Variants in GNA14 observed in about 807,000 individuals in gnomAD.
GNA14 encodes the protein guanine nucleotide-binding protein subunit alpha-14.
Under a neutral mutation model 42.0 loss-of-function variants are expected in GNA14, and 50 were observed. The ratio of observed to expected loss-of-function variants is 1.19; its 90% CI spans 0.95 to 1.51. GNA14 has a LOEUF of 1.51. Among genes scored for constraint, GNA14 ranks in the 40% most tolerant of loss-of-function variants. GNA14 has a pLI of 0.00. For synonymous variants in GNA14, 173 were observed against 163.1 expected (o/e 1.06, Z -0.46); for missense variants, 473 against 446.2 (o/e 1.06, Z -0.54).
At chr9:77,438,657 C>T (rs1487728131) in intron 2 of GNA14, among the ~76,000 whole-genome samples, 2 of 152,074 alleles carry the variant, frequency 1.3e-5, no homozygotes, top group Non-Finnish European at 2.9e-5. Context: ...TTCTTCTATG[C>T]CTTTCAAGAT....
intron 1 of GNA14, among the ~76,000 whole-genome samples, chr9:77,612,051 T>C (rs1823743582): frequency 6.6e-6 from 1 of 152,128 alleles, no homozygotes; most frequent in Non-Finnish European, 1.5e-5. Context: ...ATTGATAAAA[T>C]AGTTATTATT....
chr9:77,618,607 TATATATATATA>T (rs1564067819), intron 1 of GNA14, among the ~76,000 whole-genome samples: 11 of 16,320 alleles, frequency 6.7e-4, no homozygotes, highest in African/African-American at 2.2e-3. Context: ...TATATATATA[TATATATATATA>T]TATTTTTTTT....
At chr9:77,587,776 T>C (rs1408387272) in intron 1 of GNA14, among the ~76,000 whole-genome samples, 3 of 152,216 alleles carry the variant, frequency 2.0e-5, no homozygotes, top group Non-Finnish European at 4.4e-5. Flanking sequence ...TGGTTGCTTT[T>C]ATTCAGTGAA....
intron 1 of GNA14, among the ~76,000 whole-genome samples, chr9:77,590,955 C>A (rs541452578): frequency 2.6e-5 from 4 of 152,220 alleles, no homozygotes; most frequent in Non-Finnish European, 5.9e-5. Context: ...ATACAACAGA[C>A]CTCTTTTGGG....
chr9:77,574,108 C>G (rs895413723), intron 1 of GNA14, among the ~76,000 whole-genome samples: 1 of 152,028 alleles, frequency 6.6e-6, no homozygotes, highest in African/African-American at 2.4e-5. Context: ...AGTTCAAGAC[C>G]AGCCTGGGCA....
intron 2 of GNA14, among the ~76,000 whole-genome samples, chr9:77,442,347 G>A (rs759655071): frequency 1.6e-4 from 24 of 152,190 alleles, no homozygotes; most frequent in Non-Finnish European, 3.1e-4. Flanking sequence ...ACTCCAGCCT[G>A]GGCAACAGAG....
At chr9:77,481,496 G>A (rs576292261) in intron 2 of GNA14, among the ~76,000 whole-genome samples, 1 of 152,278 alleles carries the variant, frequency 6.6e-6, no homozygotes, top group South Asian at 2.1e-4. Flanking sequence ...GAATAATTGT[G>A]GTGTGGTGCT....
intron 2 of GNA14, among the ~76,000 whole-genome samples, chr9:77,511,304 C>T (rs1360471414): frequency 1.3e-5 from 2 of 152,146 alleles, no homozygotes; most frequent in South Asian, 2.1e-4. Flanking sequence ...CCCTGGGATA[C>T]ACCTTGCTCT....
At chr9:77,501,647 G>C (rs1201921844) in intron 2 of GNA14, among the ~76,000 whole-genome samples, 4 of 150,264 alleles carry the variant, frequency 2.7e-5, no homozygotes, top group African/African-American at 9.8e-5. Flanking sequence ...TTTGTAGCTT[G>C]TCTTTCCGTC....
At chr9:77,602,251 A>G (rs1339534462) in intron 1 of GNA14, among the ~76,000 whole-genome samples, 1 of 152,214 alleles carries the variant, frequency 6.6e-6, no homozygotes, top group African/African-American at 2.4e-5. Context: ...CCATCTTTTA[A>G]AAAGACATTG....
At chr9:77,452,566 G>GTGTGCA (rs1564018245) in intron 2 of GNA14, among the ~76,000 whole-genome samples, 5 of 9,724 alleles carry the variant, frequency 5.1e-4, no homozygotes, top group African/African-American at 1.0e-3. Flanking sequence ...GTGTGTGTGT[G>GTGTGCA]TGTGTATGTG....
chr9:77,454,497 G>A (rs1380506741), intron 2 of GNA14, among the ~76,000 whole-genome samples: 1 of 152,118 alleles, frequency 6.6e-6, no homozygotes, highest in Non-Finnish European at 1.5e-5. Context: ...TGAACCTTGA[G>A]GGGAGTTATC....
At chr9:77,542,815 C>T (rs1018776681) in intron 1 of GNA14, among the ~76,000 whole-genome samples, 17 of 152,146 alleles carry the variant, frequency 1.1e-4, no homozygotes, top group South Asian at 6.2e-4. Flanking sequence ...GGACTGTGTT[C>T]GCTGATCCCA....
At chr9:77,433,988 T>C (rs1373932178) in intron 3 of GNA14, among the ~76,000 whole-genome samples, 1 of 152,098 alleles carries the variant, frequency 6.6e-6, no homozygotes, top group Non-Finnish European at 1.5e-5. Flanking sequence ...CAGAGGGATA[T>C]AGAGAGGAGG....
intron 2 of GNA14, among the ~76,000 whole-genome samples, chr9:77,475,214 A>G (rs1382555060): frequency 2.0e-5 from 3 of 152,170 alleles, no homozygotes; most frequent in Non-Finnish European, 4.4e-5. Context: ...GACATGGAAG[A>G]CAAACTATTG....
chr9:77,646,094 A>T (rs1824346504), intron 1 of GNA14, among the ~76,000 whole-genome samples: 1 of 152,182 alleles, frequency 6.6e-6, no homozygotes, highest in South Asian at 2.1e-4. Flanking sequence ...TGGGTCAGAC[A>T]CAGAAATAGC....
intron 2 of GNA14, among the ~76,000 whole-genome samples, chr9:77,527,600 T>C (rs1442468421): frequency 6.6e-6 from 1 of 152,238 alleles, no homozygotes; most frequent in Non-Finnish European, 1.5e-5. Context: ...TGGATACCCT[T>C]GCTGTAGGCT....
intron 1 of GNA14, among the ~76,000 whole-genome samples, chr9:77,536,516 A>G (rs1162975751): frequency 6.6e-6 from 1 of 151,744 alleles, no homozygotes. Context: ...ACACCTGGCT[A>G]ATTTTTGTAT....
intron 1 of GNA14, among the ~76,000 whole-genome samples, chr9:77,646,805 A>T (rs1270056290): frequency 6.6e-6 from 1 of 152,240 alleles, no homozygotes; most frequent in Admixed American, 6.5e-5. Context: ...CTGAGATGGG[A>T]TCCTTGCCTC....
Sources: gnomAD v4.1 joint callset for allele counts (sites outside exome capture counted in the v4.1 genomes callset) on GRCh38, gnomAD v4.1.1 for gene constraint, MANE v1.5 for transcripts, NCBI Gene and HGNC (gene_info 2026-07-23, HGNC 2026-07-21) for gene names.